Variants in EFCAB11 observed in about 807,000 individuals in gnomAD.
EFCAB11 encodes the protein EF-hand calcium-binding domain-containing protein 11.
Under a neutral mutation model 23.0 loss-of-function variants are expected in EFCAB11, and 14 were observed. The observed-to-expected ratio is 0.61, with a 90% CI of 0.40 to 0.95. The LOEUF (loss-of-function observed/expected upper bound fraction) is 0.95, where lower values mean the gene tolerates loss of function less well. Ranked by LOEUF, EFCAB11 falls within the 40% of genes least tolerant of loss-of-function variation. EFCAB11 has a pLI of 0.00. For synonymous variants in EFCAB11, 65 were observed against 66.6 expected, an observed-to-expected ratio of 0.98 and a Z score of 0.11; for missense variants, 198 against 195.8, an observed-to-expected ratio of 1.01 and a Z score of -0.07.
chr14:89,952,639 C>T (rs1402437600), intron 2 of EFCAB11: 2 of 979,874 alleles, frequency 2.0e-6, no homozygotes, highest in Admixed American at 6.2e-5. Flanking sequence ...TATATTAATA[C>T]TTATTGTGCA....
chr14:89,827,064 A>T (rs1462811449), intron 5 of EFCAB11, among the ~76,000 whole-genome samples: 2 of 152,184 alleles, frequency 1.3e-5, no homozygotes, highest in African/African-American at 4.8e-5. Context: ...TAAAAGAGAG[A>T]ATTTAATATA....
At chr14:89,928,719 T>C (rs1241657080) in intron 5 of EFCAB11, among the ~76,000 whole-genome samples, 4 of 147,208 alleles carry the variant, frequency 2.7e-5, no homozygotes, top group African/African-American at 2.5e-5. Flanking sequence ...ATTAATAATA[T>C]ATAATTCTGT....
At chr14:89,879,429 A>G (rs1161678391) in intron 5 of EFCAB11, among the ~76,000 whole-genome samples, 1 of 151,932 alleles carries the variant, frequency 6.6e-6, no homozygotes, top group East Asian at 1.9e-4. Flanking sequence ...TCCTTATTCA[A>G]TTTAAATTTG....
intron 5 of EFCAB11, among the ~76,000 whole-genome samples, chr14:89,902,397 C>T (rs1243920440): frequency 6.6e-6 from 1 of 152,100 alleles, no homozygotes; most frequent in Non-Finnish European, 1.5e-5. Context: ...TGTCTTCTCC[C>T]AAGGAAACTG....
At chr14:89,868,342 A>G (rs1306310196) in intron 5 of EFCAB11, among the ~76,000 whole-genome samples, 1 of 152,240 alleles carries the variant, frequency 6.6e-6, no homozygotes, top group Non-Finnish European at 1.5e-5. Flanking sequence ...CAAATTATGT[A>G]TATTTAAACC....
At chr14:89,869,108 C>G (rs1387736204) in intron 5 of EFCAB11, among the ~76,000 whole-genome samples, 1 of 152,016 alleles carries the variant, frequency 6.6e-6, no homozygotes, top group East Asian at 1.9e-4. Context: ...AAGGCTGAAG[C>G]AGGAAGATCA....
At chr14:89,844,228 G>T (rs1887361926) in intron 5 of EFCAB11, among the ~76,000 whole-genome samples, 1 of 152,140 alleles carries the variant, frequency 6.6e-6, no homozygotes, top group African/African-American at 2.4e-5. Flanking sequence ...TGTGCATTTG[G>T]GGATTGAGAC....
intron 5 of EFCAB11, among the ~76,000 whole-genome samples, chr14:89,925,975 T>C (rs1488798942): frequency 6.6e-6 from 1 of 152,096 alleles, no homozygotes; most frequent in Non-Finnish European, 1.5e-5. Flanking sequence ...ATTACAGGTA[T>C]GCACCACCAT....
rs76959210 is a variant in EFCAB11, at chr14:89,819,049, A to G, written c.411-21725T>C. Among the ~76,000 whole-genome samples, 849 of 152,298 alleles carry G rather than the reference A, an allele frequency of 5.6e-3. 8 individuals carry two copies. Among genetic ancestry groups the G allele is most frequent in the Middle Eastern group, 0.041 (12 of 294 alleles). On this transcript the variant is annotated intron_variant, in intron 5 of 5. Transcript: ENST00000316738. ...ACGTATCCAAGGGAAAAGAAAGCACATATCCATTCAGACTTGCACACCAAT... is the reference window on the plus strand; with the variant it reads ...ACGTATCCAAGGGAAAAGAAAGCACGTATCCATTCAGACTTGCACACCAAT...
intron 5 of EFCAB11, among the ~76,000 whole-genome samples, chr14:89,806,483 C>A (rs1885972429): frequency 6.6e-6 from 1 of 152,112 alleles, no homozygotes; most frequent in Non-Finnish European, 1.5e-5. Context: ...TGTAAGAAAA[C>A]AGCACAGATC....
intron 5 of EFCAB11, among the ~76,000 whole-genome samples, chr14:89,854,575 G>A (rs1271461236): frequency 1.3e-5 from 2 of 152,168 alleles, no homozygotes; most frequent in Non-Finnish European, 2.9e-5. Flanking sequence ...GATGTCCCCA[G>A]ACAGTTGCTC....
chr14:89,915,180 T>G (rs1889802187), intron 5 of EFCAB11, among the ~76,000 whole-genome samples: 1 of 152,206 alleles, frequency 6.6e-6, no homozygotes, highest in African/African-American at 2.4e-5. Context: ...CTAAAGGCTA[T>G]TTCCAGGATG....
intron 5 of EFCAB11, among the ~76,000 whole-genome samples, chr14:89,812,009 G>A (rs1265677548): frequency 6.6e-5 from 10 of 152,036 alleles, no homozygotes; most frequent in Non-Finnish European, 1.3e-4. Context: ...TTTACCTTTC[G>A]TGACTTCAGT....
At chr14:89,841,956 A>G (rs1364467729) in intron 5 of EFCAB11, among the ~76,000 whole-genome samples, 1 of 151,864 alleles carries the variant, frequency 6.6e-6, no homozygotes, top group East Asian at 1.9e-4. Context: ...CCTCCTAGGT[A>G]CCCTACAGGA....
chr14:89,806,623 A>G (rs183852780), intron 5 of EFCAB11, among the ~76,000 whole-genome samples: 204 of 152,244 alleles, frequency 1.3e-3, no homozygotes, highest in African/African-American at 4.4e-3. Flanking sequence ...ATATGCAACT[A>G]CCACAGGCCC....
At chr14:89,925,451 A>C (rs1163042500) in intron 5 of EFCAB11, among the ~76,000 whole-genome samples, 1 of 152,190 alleles carries the variant, frequency 6.6e-6, no homozygotes, top group Non-Finnish European at 1.5e-5. Context: ...TTAATTGCTC[A>C]AAACACCCTA....
At chr14:89,919,619 G>T (rs868651487) in intron 5 of EFCAB11, among the ~76,000 whole-genome samples, 1 of 152,100 alleles carries the variant, frequency 6.6e-6, no homozygotes, top group Non-Finnish European at 1.5e-5. Context: ...GTGGGAGGCA[G>T]GTAAAAGTGA....
In EFCAB11 at chr14:89,858,656, ATTTTTTT is replaced by A. The variant is rs10648464; in HGVS notation, c.411-61339_411-61333del. On this transcript the variant is annotated intron_variant, in intron 5 of 5. Transcript: ENST00000316738. ...AGGTGTGCATCACCACACCCAGCTA[ATTTTTTT>A]TTTTTTTTTTTTTTTTTGTAGAGGC... Among the ~76,000 whole-genome samples the A allele has an allele frequency of 7.4e-3, 661 of 89,016 alleles. 4 individuals carry two copies. Among genetic ancestry groups the A allele is most frequent in the African/African-American group, 0.025 (568 of 22,838 alleles). The allele number at this position is 89,016 out of a possible 152,430, so 58.4% of individuals were successfully genotyped here.
At chr14:89,932,495 T>G in intron 4 of EFCAB11, 31 bp downstream of exon 4, 1 of 1,576,086 alleles carries the variant, frequency 6.3e-7, no homozygotes, top group Non-Finnish European at 8.7e-7. Flanking sequence ...AAGTAATTTT[T>G]TTTACATCAA....
Sources: allele counts gnomAD v4.1 joint callset (sites outside exome capture counted in the v4.1 genomes callset), GRCh38; gene constraint gnomAD v4.1.1; transcripts MANE v1.5; gene names NCBI Gene and HGNC (gene_info 2026-07-23, HGNC 2026-07-21).